Variants in HNRNPUL1 observed in about 807,000 individuals in gnomAD.
The protein encoded by HNRNPUL1 is heterogeneous nuclear ribonucleoprotein U-like protein 1.
In HNRNPUL1, 14 loss-of-function variants were observed where a neutral mutation model predicts 108.5. The ratio of observed to expected loss-of-function variants is 0.13; its 90% CI spans 0.09 to 0.20. The LOEUF is 0.20. HNRNPUL1 is among the 10% of genes least tolerant of loss of function. HNRNPUL1 has a pLI of 1.00. For synonymous variants in HNRNPUL1, 422 were observed against 445.2 expected (o/e 0.95, Z 0.66); for missense variants, 804 against 1,168.3 (o/e 0.69, Z 4.55).
chr19:41,292,241 C>G lies in HNRNPUL1; in HGVS notation c.1000-4C>G. 2.5e-6 allele frequency: 4 copies of G among 1,613,322 alleles called. No homozygotes were observed. Among genetic ancestry groups the G allele is most frequent in the Non-Finnish European group, 3.4e-6 (4 of 1,179,352 alleles). On this transcript the variant is annotated splice_region_variant and splice_polypyrimidine_tract_variant and intron_variant, in intron 7 of 14. Coordinates refer to ENST00000392006, the MANE Select transcript of HNRNPUL1 (RefSeq NM_007040.6). The surrounding 1 kb of genome is among the most constrained non-coding windows in gnomAD (Gnocchi z 4.1). Reference sequence around the variant, plus strand: ...AATCATATTCCTTTGGCTTTTTCTCCTAGGATTTTGAATGTGGAAATGACG... The same window carrying G: ...AATCATATTCCTTTGGCTTTTTCTCGTAGGATTTTGAATGTGGAAATGACG...
rs781717921 is a variant in HNRNPUL1, at chr19:41,305,678, G to A, written c.2265G>A (p.Pro755=). The A allele has an allele frequency of 3.2e-5, 52 of 1,613,884 alleles. No homozygotes were observed. The highest frequency in any genetic ancestry group is 2.1e-4 in the South Asian group (19 of 91,088). The part of the protein sequence containing the change: ...PTVSSYSPPQ[P]SYSQPPYNQG... The stretch of plus-strand genomic sequence containing the variant: ...GCTTTTTTCCCTCCACTTTCCAGCC[G>A]AGTTACAGCCAGCCACCCTACAACC... Residue 755 remains proline, a splice_region_variant and synonymous_variant, in exon 14 of 15, where the codon CCG becomes CCA. Transcript: ENST00000392006.
At chr19:41,303,134 C>T (rs748464891) in intron 12 of HNRNPUL1, among the ~76,000 whole-genome samples, 185 bp downstream of exon 12, 3 of 152,194 alleles carry the variant, frequency 2.0e-5, no homozygotes, top group Non-Finnish European at 4.4e-5. Context: ...ACTCCCTGGA[C>T]GCTGGTTATG....
Position 41,271,999 on chromosome 19 carries a change from T to C in HNRNPUL1, c.419-83T>C, listed in dbSNP as rs550949383. 329 of 1,486,784 alleles carry C rather than the reference T, an allele frequency of 2.2e-4. 5 individuals are homozygous for C. In the South Asian group the frequency reaches 4.0e-3, roughly 18 times the overall value. 92.1% of individuals were successfully genotyped at this position (1,486,784 alleles called of 1,614,324 possible). A position where few individuals can be genotyped will look rare whatever the true frequency, so the allele number is the denominator to read the frequency against. ...CACTGTAGTGAGGATCCTGCTCACA[T>C]CTCTCAAGGGAAAAGGGACCAGAAA... On this transcript the variant is annotated intron_variant, in intron 2 of 14. Coordinates refer to ENST00000392006, the MANE Select transcript of HNRNPUL1 (RefSeq NM_007040.6).
Position 41,306,929 on chromosome 19 carries a change from A to C in HNRNPUL1, c.*364A>C. The stretch of plus-strand genomic sequence containing the variant: ...AGAATCCCCTCCTGTTCACTCTCCC[A>C]ACCCTGCTCCAGCCCCTCAGCTTCC... On this transcript the variant is annotated 3_prime_UTR_variant, in exon 15 of 15. Transcript: ENST00000392006. 1 of 169,614 alleles carries C rather than the reference A, an allele frequency of 5.9e-6. No homozygotes were observed. Among genetic ancestry groups the C allele is most frequent in the Non-Finnish European group, 1.3e-5 (1 of 79,592 alleles). 10.5% of individuals were successfully genotyped at this position (169,614 alleles called of 1,614,324 possible).
rs775973037 is a variant in HNRNPUL1 at position 41,294,488 on chromosome 19, C to G, written c.1389+28C>G. 6.2e-7 allele frequency: 1 copy of G among 1,614,126 alleles called. No individual in the cohort carries two copies. Among genetic ancestry groups the G allele is most frequent in the South Asian group, 1.1e-5 (1 of 91,054 alleles). The stretch of plus-strand genomic sequence containing the variant: ...AAGGCCAGCCACTGGACTCTCCTTA[C>G]TCACCTCCAACCTACTGAGTGCTGC... On this transcript the variant is annotated intron_variant, in intron 9 of 14. Transcript: ENST00000392006. The surrounding 1 kb of genome is among the most constrained non-coding windows in gnomAD (Gnocchi z 4.3).
chr19:41,276,191 G>A lies in HNRNPUL1; in HGVS notation c.679G>A (p.Asp227Asn). ...CGACCTCCACTTCAAGGTGGCCCGA[G>A]ATCGGAGTAGTGGCTATCCGCTCAC... is the stretch of plus-strand genomic sequence containing the variant. ...NCDLHFKVAR[D>N]RSSGYPLTIE... The change falls in exon 5 of 15, where the codon GAT (aspartate) becomes AAT (asparagine). Residue 227 changes from aspartate (D) to asparagine (N), a missense_variant. Physicochemically the swap from Asp to Asn is conservative, Grantham distance 23. This residue lies in a region of HNRNPUL1 where 174 missense variants were observed against 296.6 expected (regional missense o/e 0.59). Transcript: ENST00000392006. 1 of 1,614,018 alleles carries A rather than the reference G, an allele frequency of 6.2e-7. No homozygotes were observed. The highest frequency in any genetic ancestry group is 2.2e-5 in the East Asian group (1 of 44,868).
At chr19:41,290,910 C>T (rs553916322) in intron 7 of HNRNPUL1, among the ~76,000 whole-genome samples, 7 of 152,188 alleles carry the variant, frequency 4.6e-5, no homozygotes, top group African/African-American at 1.4e-4. Context: ...CAAAATTAGC[C>T]GGGCGTGGTG....
chr19:41,306,932 C>T lies in HNRNPUL1; in HGVS notation c.*367C>T. 5.9e-6 allele frequency: 1 copy of T among 169,368 alleles called. No homozygotes were observed. Among genetic ancestry groups the T allele is most frequent in the Non-Finnish European group, 1.3e-5 (1 of 79,334 alleles). The allele number at this position is 169,368 out of a possible 1,614,324, so 10.5% of individuals were successfully genotyped here. On this transcript the variant is annotated 3_prime_UTR_variant, in exon 15 of 15. Transcript: ENST00000392006. ...ATCCCCTCCTGTTCACTCTCCCAAC[C>T]CTGCTCCAGCCCCTCAGCTTCCCAG...
Position 41,304,201 on chromosome 19 carries a change from C to T in HNRNPUL1, c.2202C>T (p.Asn734=). 6.2e-7 allele frequency: 1 copy of T among 1,614,102 alleles called. No individual in the cohort carries two copies. Among genetic ancestry groups the T allele is most frequent in the Non-Finnish European group, 8.5e-7 (1 of 1,179,982 alleles). ...CCAGCACCTACAATAAGAACAGCAA[C>T]ATCCCTGGCTCAAGCGCCAATACCA... ...PGASTYNKNS[N]IPGSSANTST... Residue 734 remains asparagine (N), a synonymous_variant, in exon 13 of 15, where the codon AAC becomes AAT. Coordinates refer to ENST00000392006, the MANE Select transcript of HNRNPUL1 (RefSeq NM_007040.6).
At chr19:41,285,882 C>T (rs1302092931) in intron 7 of HNRNPUL1, among the ~76,000 whole-genome samples, 4 of 152,146 alleles carry the variant, frequency 2.6e-5, no homozygotes, top group Admixed American at 2.6e-4. Context: ...AAAAACTTAA[C>T]TACTGGCTGA....
Position 41,302,952 on chromosome 19 carries a change from G to A in HNRNPUL1, c.1972+3G>A, listed in dbSNP as rs113897762. ...TGGAGGAGGCAACTACCGAGGAGGT[G>A]AGACATCTCACACACAGCACTCTCC... is the stretch of plus-strand genomic sequence containing the variant. On this transcript the variant is annotated splice_donor_region_variant and intron_variant, in intron 12 of 14. Coordinates refer to ENST00000392006, the MANE Select transcript of HNRNPUL1 (RefSeq NM_007040.6). 1.3e-6 allele frequency: 2 copies of A among 1,522,450 alleles called. No homozygotes were observed. The highest frequency in any genetic ancestry group is 8.8e-7 in the Non-Finnish European group (1 of 1,137,234). The allele number at this position is 1,522,450 out of a possible 1,614,324, so 94.3% of individuals were successfully genotyped here.
Position 41,264,539 on chromosome 19 carries a change from C to T in HNRNPUL1, c.36C>T (p.Arg12=), listed in dbSNP as rs1246064640. ...GCCGTCTGAAGGTGAACGAACTTCG[C>T]GAGGAGCTGCAGCGCCGCGGCCTGG... ...DVRRLKVNEL[R]EELQRRGLDT... is the part of the protein sequence containing the mutation. Residue 12 remains arginine (R), a synonymous_variant, in exon 1 of 15, where the codon CGC becomes CGT. Coordinates refer to ENST00000392006, the MANE Select transcript of HNRNPUL1 (RefSeq NM_007040.6). 6.7e-7 allele frequency: 1 copy of T among 1,486,038 alleles called. No individual in the cohort carries two copies. Among genetic ancestry groups the T allele is most frequent in the East Asian group, 2.7e-5 (1 of 37,418 alleles). 92.1% of individuals were successfully genotyped at this position (1,486,038 alleles called of 1,614,324 possible).
At chr19:41,290,915 G>A (rs1401525387) in intron 7 of HNRNPUL1, among the ~76,000 whole-genome samples, 1 of 152,148 alleles carries the variant, frequency 6.6e-6, no homozygotes, top group African/African-American at 2.4e-5. Context: ...TTAGCCGGGC[G>A]TGGTGGCACA....
intron 6 of HNRNPUL1, among the ~76,000 whole-genome samples, chr19:41,280,013 A>G (rs1353626684): frequency 6.6e-6 from 1 of 152,246 alleles, no homozygotes; most frequent in Non-Finnish European, 1.5e-5. Context: ...ATTATTTAAC[A>G]AGTCCCCTTC....
chr19:41,302,515 G>A (rs766538342), intron 11 of HNRNPUL1, 150 bp from the exon 12 acceptor site: 16 of 1,030,076 alleles, frequency 1.6e-5, no homozygotes, highest in Admixed American at 1.9e-5. Flanking sequence ...CACCGCGCCC[G>A]CCCTTCTGTC....
chr19:41,296,788 A>G (rs1276981038), intron 10 of HNRNPUL1, among the ~76,000 whole-genome samples: 2 of 152,204 alleles, frequency 1.3e-5, no homozygotes, highest in African/African-American at 2.4e-5. Flanking sequence ...AACCCATACT[A>G]CAGGCAAAAT....
chr19:41,265,441 G>A (rs2034771848), intron 1 of HNRNPUL1: 2 of 1,394,686 alleles, frequency 1.4e-6, no homozygotes, highest in Admixed American at 5.4e-5. Context: ...TGAGCATTTA[G>A]GGGCTGCGGG....
Position 41,264,421 on chromosome 19 carries a change from C to T in HNRNPUL1, c.-83C>T, listed in dbSNP as rs1255811369. Reference sequence around the variant, plus strand: ...AGTGGGCCCCCCCCCTTTCCCCCTTCGCCTCCTGACAGGAAAGGTTTAAGG... The same window carrying T: ...AGTGGGCCCCCCCCCTTTCCCCCTTTGCCTCCTGACAGGAAAGGTTTAAGG... On this transcript the variant is annotated 5_prime_UTR_variant, in exon 1 of 15. Coordinates refer to ENST00000392006, the MANE Select transcript of HNRNPUL1 (RefSeq NM_007040.6). 4 of 1,177,446 alleles carry T rather than the reference C, an allele frequency of 3.4e-6. No individual in the cohort carries two copies. The highest frequency in any genetic ancestry group is 3.2e-5 in the African/African-American group (2 of 62,846). 72.9% of individuals were successfully genotyped at this position (1,177,446 alleles called of 1,614,324 possible).
At chr19:41,305,219 A>G (rs938074012) in intron 13 of HNRNPUL1, among the ~76,000 whole-genome samples, 17 of 152,160 alleles carry the variant, frequency 1.1e-4, no homozygotes, top group Non-Finnish European at 1.9e-4. Flanking sequence ...TAATGATCCA[A>G]CCTGTACTTG....
Sources: allele counts gnomAD v4.1 joint callset (sites outside exome capture counted in the v4.1 genomes callset), GRCh38; gene constraint gnomAD v4.1.1; regional missense constraint gnomAD v4.1.1; non-coding constraint Gnocchi (gnomAD v3.1); transcripts MANE v1.5; gene names NCBI Gene and HGNC (gene_info 2026-07-23, HGNC 2026-07-21).